DCC: variants seen among roughly 807,000 people sequenced by gnomAD.
The protein encoded by DCC is DCC netrin 1 receptor, also known as netrin receptor DCC.
A neutral mutation model predicts 172.5 loss-of-function variants in DCC; 58 were observed. The observed-to-expected ratio is 0.34, with a 90% CI of 0.27 to 0.42. The LOEUF (loss-of-function observed/expected upper bound fraction) is 0.42, where lower values mean the gene tolerates loss of function less well. DCC is among the 10% of genes least tolerant of loss of function. DCC has a pLI of 1.00. For missense variants in DCC, 1,740 were observed against 1,791.0 expected (o/e 0.97, Z 0.51); for synonymous variants, 709 against 644.5 (o/e 1.10, Z -1.52).
rs923891637 is a variant in DCC, at chr18:53,085,071, A to C, written c.1261+18905A>C. Among the ~76,000 whole-genome samples the C allele has an allele frequency of 2.0e-5, 3 of 152,192 alleles. No individual in the cohort carries two copies. In the East Asian group the frequency reaches 5.8e-4, roughly 29 times the overall value. ...CACCAAACAATTTAAAGCCAAGCCT[A>C]TTATCCAGGTACCCAGAGAATCCAG... On this transcript the variant is annotated intron_variant, in intron 7 of 28. Coordinates refer to ENST00000442544, the MANE Select transcript of DCC (RefSeq NM_005215.4).
chr18:52,786,433 A>AT (rs1221921980), intron 2 of DCC, among the ~76,000 whole-genome samples: 150 of 152,022 alleles, frequency 9.9e-4, no homozygotes, highest in African/African-American at 3.6e-3. Flanking sequence ...TTGGAGCATA[A>AT]CTTTTATCTC....
chr18:52,994,104 A>C (rs1449116693), intron 5 of DCC, among the ~76,000 whole-genome samples: 1 of 152,110 alleles, frequency 6.6e-6, no homozygotes, highest in Non-Finnish European at 1.5e-5. Flanking sequence ...GAATAGTCCT[A>C]TTGCTTAACT....
chr18:53,277,612 TA>T (rs1281940032), intron 12 of DCC, among the ~76,000 whole-genome samples: 1 of 152,128 alleles, frequency 6.6e-6, no homozygotes, highest in Non-Finnish European at 1.5e-5. Context: ...ATAATACAGT[TA>T]AGCAGAAAAT....
intron 7 of DCC, among the ~76,000 whole-genome samples, chr18:53,097,461 T>G (rs1316570223): frequency 6.6e-6 from 1 of 152,212 alleles, no homozygotes; most frequent in Non-Finnish European, 1.5e-5. Context: ...GATGTCATTT[T>G]AAAATAATAT....
chr18:53,320,148 C>A (rs2057392632), intron 13 of DCC, among the ~76,000 whole-genome samples: 1 of 146,440 alleles, frequency 6.8e-6, no homozygotes, highest in African/African-American at 2.5e-5. Flanking sequence ...TCTCTGCTCA[C>A]TGCAAGCTCT....
At chr18:53,335,225 T>C (rs9967187) in intron 14 of DCC, among the ~76,000 whole-genome samples, 99 of 152,312 alleles carry the variant, frequency 6.5e-4, no homozygotes, top group African/African-American at 2.4e-3. Context: ...TGACTGGCCC[T>C]TTCAGGTCAT....
chr18:52,747,086 T>C (rs1293949013), intron 1 of DCC, among the ~76,000 whole-genome samples: 2 of 24,304 alleles, frequency 8.2e-5, no homozygotes, highest in Admixed American at 1.3e-3. Context: ...GCTTTATGCC[T>C]ATATTTCAAC....
intron 26 of DCC, among the ~76,000 whole-genome samples, chr18:53,491,235 A>G (rs1376339355): frequency 6.6e-6 from 1 of 152,222 alleles, no homozygotes. Flanking sequence ...GAGTAGGATT[A>G]GGAAAAAAGA....
intron 1 of DCC, among the ~76,000 whole-genome samples, chr18:52,497,087 C>T (rs530628520): frequency 1.3e-5 from 2 of 150,848 alleles, no homozygotes; most frequent in Admixed American, 1.3e-4. Flanking sequence ...GACTTCATCC[C>T]TTACAGAAAA....
At chr18:52,685,090 A>G (rs1238563729) in intron 1 of DCC, among the ~76,000 whole-genome samples, 11 of 152,128 alleles carry the variant, frequency 7.2e-5, no homozygotes, top group African/African-American at 2.4e-4. Flanking sequence ...CAATTAAGGA[A>G]TAATATTGTC....
At chr18:52,387,424 T>G (rs909037415) in intron 1 of DCC, among the ~76,000 whole-genome samples, 1 of 152,104 alleles carries the variant, frequency 6.6e-6, no homozygotes, top group African/African-American at 2.4e-5. Context: ...AATGGTATAT[T>G]GTTTTCACGT....
intron 1 of DCC, among the ~76,000 whole-genome samples, chr18:52,506,487 G>A (rs1403673133): frequency 6.6e-6 from 1 of 152,052 alleles, no homozygotes; most frequent in Non-Finnish European, 1.5e-5. Context: ...GTTAGGTTGT[G>A]TTATGATATT....
rs1431516204 is a variant in DCC, at chr18:53,157,356, C to G, written c.1262C>G (p.Ala421Gly). 1 of 1,614,066 alleles carries G rather than the reference C, an allele frequency of 6.2e-7. No individual in the cohort carries two copies. ...ATAGCCTCCTCTTCTTTCTCCTTAG[C>G]TATCCCAAGCTCCAGTGTCCTCCCT... ...TSAQLIVPKP[A>G]IPSSSVLPSA... is the part of the protein sequence containing the mutation. The change falls in exon 8 of 29, where the codon GCT becomes GGT. Residue 421 changes from alanine to glycine, a missense_variant and splice_region_variant. Around this residue, in one of 2 missense-constraint regions of DCC, gnomAD observed 1,732 missense variants for 1,767.4 expected, o/e 0.98. Transcript: ENST00000442544.
chr18:52,732,669 C>A (rs1016098496), intron 1 of DCC, among the ~76,000 whole-genome samples: 3 of 152,112 alleles, frequency 2.0e-5, no homozygotes, highest in African/African-American at 7.2e-5. Flanking sequence ...ATAAATCTGT[C>A]AGAAATGGAG....
At chr18:52,383,553 A>G (rs1007599965) in intron 1 of DCC, among the ~76,000 whole-genome samples, 1 of 151,896 alleles carries the variant, frequency 6.6e-6, no homozygotes, top group Non-Finnish European at 1.5e-5. Context: ...TATTTTTGTT[A>G]TATTAGTGTC....
intron 12 of DCC, among the ~76,000 whole-genome samples, chr18:53,255,154 C>T (rs2056489494): frequency 6.6e-6 from 1 of 151,986 alleles, no homozygotes; most frequent in Non-Finnish European, 1.5e-5. Flanking sequence ...CTATCAGAAT[C>T]CCAGGCCTTT....
chr18:52,432,397 A>T (rs546997536), intron 1 of DCC, among the ~76,000 whole-genome samples: 1 of 152,184 alleles, frequency 6.6e-6, no homozygotes, highest in Non-Finnish European at 1.5e-5. Context: ...GATGTATGTT[A>T]TATTCCTTTT....
At chr18:52,803,317 C>G (rs1029947319) in intron 2 of DCC, among the ~76,000 whole-genome samples, 1 of 152,112 alleles carries the variant, frequency 6.6e-6, no homozygotes, top group South Asian at 2.1e-4. Context: ...GAGCATCACA[C>G]GGCATTTTAA....
intron 12 of DCC, among the ~76,000 whole-genome samples, chr18:53,298,517 G>T (rs1419318079): frequency 1.0e-5 from 1 of 96,632 alleles, no homozygotes; most frequent in African/African-American, 4.3e-5. Flanking sequence ...GACACAGAGA[G>T]ACCCTGACTC....
Sources: allele counts gnomAD v4.1 joint callset (sites outside exome capture counted in the v4.1 genomes callset), GRCh38; gene constraint gnomAD v4.1.1; regional missense constraint gnomAD v4.1.1; transcripts MANE v1.5; gene names NCBI Gene and HGNC (gene_info 2026-07-23, HGNC 2026-07-21).